The following RORA variants were observed in gnomAD, a reference collection of about 807,000 sequenced individuals.
RORA encodes the protein nuclear receptor ROR-alpha.
Under a neutral mutation model 69.5 loss-of-function variants are expected in RORA, and 7 were observed. The observed-to-expected ratio is 0.10, with a 90% CI of 0.06 to 0.19. The LOEUF (loss-of-function observed/expected upper bound fraction) is 0.19, where lower values mean the gene tolerates loss of function less well. RORA is among the 10% of genes least tolerant of loss of function. The pLI, the probability that RORA is intolerant of heterozygous loss-of-function variation, is 1.00. For missense variants in RORA, 457 were observed against 663.0 expected, an observed-to-expected ratio of 0.69 and a Z score of 3.41; for synonymous variants, 261 against 240.8, an observed-to-expected ratio of 1.08 and a Z score of -0.78.
intron 1 of RORA, among the ~76,000 whole-genome samples, chr15:60,852,026 G>A (rs1472573054): frequency 6.6e-6 from 1 of 152,180 alleles, no homozygotes; most frequent in African/African-American, 2.4e-5. Context: ...TGGGGAACAA[G>A]CAACACTATT....
At chr15:60,606,583 A>G (rs1311096223) in intron 2 of RORA, among the ~76,000 whole-genome samples, 1 of 152,138 alleles carries the variant, frequency 6.6e-6, no homozygotes, top group Non-Finnish European at 1.5e-5. Context: ...TCAGTTAATC[A>G]TCATATATTT....
At chr15:60,946,953 C>T (rs7166030) in intron 1 of RORA, among the ~76,000 whole-genome samples, 4 of 151,084 alleles carry the variant, frequency 2.6e-5, no homozygotes, top group Non-Finnish European at 5.9e-5. Flanking sequence ...GTCTCTGCCC[C>T]GCCGCCCTCT....
At chr15:60,500,400 C>A (rs908710830) in intron 9 of RORA, among the ~76,000 whole-genome samples, 2 of 152,094 alleles carry the variant, frequency 1.3e-5, no homozygotes, top group South Asian at 2.1e-4. Context: ...TTCTTGTAAT[C>A]TTTGTCAACT....
intron 1 of RORA, among the ~76,000 whole-genome samples, chr15:60,844,398 A>G (rs1219750043): frequency 1.3e-5 from 2 of 152,208 alleles, no homozygotes; most frequent in Non-Finnish European, 2.9e-5. Context: ...AAAGCCAATG[A>G]AGGAGTTGTT....
intron 1 of RORA, among the ~76,000 whole-genome samples, chr15:61,015,947 T>C (rs1034073255): frequency 5.3e-5 from 8 of 152,208 alleles, no homozygotes; most frequent in South Asian, 2.1e-4. Context: ...ACGTGGAATA[T>C]GGATAAACCA....
At chr15:61,051,461 A>G (rs1450914607) in intron 1 of RORA, among the ~76,000 whole-genome samples, 2 of 152,176 alleles carry the variant, frequency 1.3e-5, no homozygotes, top group Non-Finnish European at 2.9e-5. Context: ...TGTTTGCGGC[A>G]TGCATAGCTT....
intron 1 of RORA, among the ~76,000 whole-genome samples, chr15:61,158,355 T>C (rs539248890): frequency 1.3e-5 from 2 of 152,312 alleles, no homozygotes; most frequent in South Asian, 2.1e-4. Flanking sequence ...TCTTTGCAAG[T>C]TGTGGGTTCT....
chr15:60,588,480 CCAGT>C (rs912206190), intron 2 of RORA, among the ~76,000 whole-genome samples: 30 of 150,654 alleles, frequency 2.0e-4, no homozygotes, highest in African/African-American at 6.3e-4. Flanking sequence ...ATCCATCCAT[CCAGT>C]AACTTTTCTC....
chr15:61,015,348 C>T (rs555290263), intron 1 of RORA, among the ~76,000 whole-genome samples: 8 of 151,998 alleles, frequency 5.3e-5, no homozygotes, highest in Non-Finnish European at 1.2e-4. Context: ...AAATGCATAT[C>T]AAAATGTAAA....
At chr15:60,736,664 T>G (rs1807068329) in intron 1 of RORA, 1 of 152,208 alleles carries the variant, frequency 6.6e-6, no homozygotes, top group South Asian at 2.1e-4. Flanking sequence ...TAATGATTTA[T>G]GGGTCTGCCT....
At chr15:61,016,259 A>G (rs1895281665) in intron 1 of RORA, among the ~76,000 whole-genome samples, 2 of 152,156 alleles carry the variant, frequency 1.3e-5, no homozygotes, top group Non-Finnish European at 2.9e-5. Context: ...AATACAAATA[A>G]AGCACTGACC....
intron 1 of RORA, among the ~76,000 whole-genome samples, chr15:61,215,830 T>C (rs1260022690): frequency 1.3e-5 from 2 of 152,214 alleles, no homozygotes; most frequent in Admixed American, 1.3e-4. Context: ...TGTGTGTGTA[T>C]CACTCACACT....
At chr15:60,678,934 T>A (rs1279177492) in intron 1 of RORA, among the ~76,000 whole-genome samples, 1 of 152,108 alleles carries the variant, frequency 6.6e-6, no homozygotes, top group Non-Finnish European at 1.5e-5. Context: ...GCATGGACAA[T>A]AACTAAACAG....
chr15:60,961,707 TGTCGACCTG>T (rs1158011984), intron 1 of RORA, among the ~76,000 whole-genome samples: 1 of 152,190 alleles, frequency 6.6e-6, no homozygotes, highest in Non-Finnish European at 1.5e-5. Context: ...CGATATATGT[TGTCGACCTG>T]GCCGGCCTCC....
chr15:60,642,761 G>A (rs1268171365), intron 2 of RORA, among the ~76,000 whole-genome samples: 1 of 152,206 alleles, frequency 6.6e-6, no homozygotes, highest in Non-Finnish European at 1.5e-5. Context: ...TGGCATGCCA[G>A]TAGTCCTTGC....
In RORA at chr15:60,497,262, C is replaced by T; in HGVS notation, c.*193G>A. 1.8e-6 allele frequency: 1 copy of T among 545,308 alleles called. No individual in the cohort carries two copies. The highest frequency in any genetic ancestry group is 2.7e-5 in the South Asian group (1 of 37,670). 33.8% of individuals were successfully genotyped at this position (545,308 alleles called of 1,614,324 possible). On this transcript the variant is annotated 3_prime_UTR_variant, in exon 11 of 11. Coordinates refer to ENST00000335670, the MANE Select transcript of RORA (RefSeq NM_134261.3). ...CTGTAGGCATAATGGAAATCATATG[C>T]ATGAGAAAAACAAGTTCAACTTTTA...
At chr15:60,797,761 T>G (rs1001339188) in intron 1 of RORA, among the ~76,000 whole-genome samples, 4 of 152,010 alleles carry the variant, frequency 2.6e-5, no homozygotes, top group Non-Finnish European at 5.9e-5. Context: ...AGTGGAGCCC[T>G]AGATCTGGAT....
intron 2 of RORA, among the ~76,000 whole-genome samples, chr15:60,567,383 T>C (rs1261477504): frequency 6.6e-6 from 1 of 151,194 alleles, no homozygotes; most frequent in Non-Finnish European, 1.5e-5. Flanking sequence ...AGAGATGCCC[T>C]CTTTTATTAT....
intron 1 of RORA, among the ~76,000 whole-genome samples, chr15:61,045,879 C>G (rs1409551830): frequency 3.3e-5 from 5 of 152,212 alleles, no homozygotes; most frequent in Non-Finnish European, 5.9e-5. Flanking sequence ...AAATCAGAAG[C>G]AAATGCTAAG....
Sources: gnomAD v4.1 joint callset for allele counts (sites outside exome capture counted in the v4.1 genomes callset) on GRCh38, gnomAD v4.1.1 for gene constraint, MANE v1.5 for transcripts, NCBI Gene and HGNC (gene_info 2026-07-23, HGNC 2026-07-21) for gene names.